The following PTCHD4 variants were observed in gnomAD, a reference collection of about 807,000 sequenced individuals.
PTCHD4 encodes the protein patched domain containing 4.
Under a neutral mutation model 58.1 loss-of-function variants are expected in PTCHD4, and 33 were observed. The ratio of observed to expected loss-of-function variants is 0.57; its 90% CI spans 0.43 to 0.76. The LOEUF (loss-of-function observed/expected upper bound fraction) is 0.76, where lower values mean the gene tolerates loss of function less well. Among genes scored for constraint, PTCHD4 ranks in the 30% least tolerant of loss-of-function variants. PTCHD4 has a pLI of 0.00. For synonymous variants in PTCHD4, 478 were observed against 409.6 expected, an observed-to-expected ratio of 1.17 and a Z score of -2.02; for missense variants, 1,058 against 1,027.1, an observed-to-expected ratio of 1.03 and a Z score of -0.41.
chr6:48,026,631 TCCCCTATGCTCCA>T (rs1036760752), intron 3 of PTCHD4, among the ~76,000 whole-genome samples: 12 of 152,006 alleles, frequency 7.9e-5, no homozygotes, highest in Admixed American at 3.9e-4. Flanking sequence ...GGGCTTTAGG[TCCCCTATGCTCCA>T]CTGGAAGCTC....
At chr6:48,019,867 A>C (rs938473784) in intron 3 of PTCHD4, among the ~76,000 whole-genome samples, 1 of 152,240 alleles carries the variant, frequency 6.6e-6, no homozygotes, top group Non-Finnish European at 1.5e-5. Context: ...ACCTTAGCTG[A>C]GTCCTGAATC....
At chr6:48,024,526 T>G (rs370140789) in intron 3 of PTCHD4, among the ~76,000 whole-genome samples, 1 of 152,148 alleles carries the variant, frequency 6.6e-6, no homozygotes, top group Non-Finnish European at 1.5e-5. Flanking sequence ...ATAGGCTTTC[T>G]CTACTCTGGA....
At chr6:48,076,744 G>A (rs914451349) in intron 1 of PTCHD4, among the ~76,000 whole-genome samples, 7 of 152,142 alleles carry the variant, frequency 4.6e-5, no homozygotes, top group Admixed American at 6.6e-5. Flanking sequence ...TCAGAATCAC[G>A]GCAGATTCAC....
At chr6:48,043,795 G>A (rs1227391982) in intron 3 of PTCHD4, among the ~76,000 whole-genome samples, 1 of 151,772 alleles carries the variant, frequency 6.6e-6, no homozygotes, top group African/African-American at 2.4e-5. Context: ...CCTCCTGGAG[G>A]GGATAAAGCT....
intron 3 of PTCHD4, among the ~76,000 whole-genome samples, chr6:48,039,044 A>G (rs1763748428): frequency 6.6e-6 from 1 of 152,190 alleles, no homozygotes; most frequent in Non-Finnish European, 1.5e-5. Context: ...TTACTCTCTT[A>G]GCTGGGGAGC....
At chr6:47,897,940 C>CTTTTTTTTTTT (rs67063892) in intron 4 of PTCHD4, among the ~76,000 whole-genome samples, 8 of 76,356 alleles carry the variant, frequency 1.0e-4, no homozygotes, top group African/African-American at 1.5e-4. Flanking sequence ...TTCTTTCTTT[C>CTTTTTTTTTTT]TTTTTTTTTT....
intron 1 of PTCHD4, among the ~76,000 whole-genome samples, chr6:48,101,260 C>T (rs1261336446): frequency 1.3e-5 from 2 of 151,982 alleles, no homozygotes; most frequent in East Asian, 1.9e-4. Context: ...AAATAGAATT[C>T]AATGTGAAGA....
chr6:47,952,808 A>G (rs760680727), intron 4 of PTCHD4, among the ~76,000 whole-genome samples: 2 of 152,090 alleles, frequency 1.3e-5, no homozygotes, highest in Non-Finnish European at 2.9e-5. Flanking sequence ...GTGTTTGCAC[A>G]GTGACAAAAT....
intron 3 of PTCHD4, among the ~76,000 whole-genome samples, chr6:48,017,041 T>C (rs56046750): frequency 0.1 from 15,538 of 152,220 alleles, 1,023 homozygotes; most frequent in Middle Eastern, 0.26. Context: ...GTTAGTTGTT[T>C]TTTATCACTG....
At chr6:47,975,891 G>T (rs1027646975) in intron 4 of PTCHD4, among the ~76,000 whole-genome samples, 1 of 152,084 alleles carries the variant, frequency 6.6e-6, no homozygotes, top group African/African-American at 2.4e-5. Flanking sequence ...TTTGAGATGG[G>T]TTCTTAAACA....
intron 4 of PTCHD4, among the ~76,000 whole-genome samples, chr6:47,921,815 G>A (rs1289618422): frequency 6.6e-6 from 1 of 151,874 alleles, no homozygotes; most frequent in Non-Finnish European, 1.5e-5. Context: ...TTTATTTTAA[G>A]TTGCTATTTT....
chr6:48,081,032 G>T (rs918758320), intron 1 of PTCHD4, among the ~76,000 whole-genome samples: 1 of 152,150 alleles, frequency 6.6e-6, no homozygotes, highest in African/African-American at 2.4e-5. Flanking sequence ...CAAAGGCAAG[G>T]TGGGCAAGTA....
At chr6:47,954,313 C>CA (rs1402584280) in intron 4 of PTCHD4, among the ~76,000 whole-genome samples, 11 of 152,266 alleles carry the variant, frequency 7.2e-5, no homozygotes, top group Non-Finnish European at 1.5e-4. Flanking sequence ...GCTGAGATTG[C>CA]ACCACTGCAC....
chr6:48,095,951 A>T (rs1020090506), intron 1 of PTCHD4, among the ~76,000 whole-genome samples: 5 of 151,482 alleles, frequency 3.3e-5, no homozygotes, highest in East Asian at 1.9e-4. Context: ...TCACACATTT[A>T]AAAAAAAAGA....
rs557362259 is a variant in PTCHD4, at chr6:48,088,429, C to T, written c.-969-18503G>A. ...AAAAAGCAATTGACCTTTTGGGCTC[C>T]GTTTAATGACTGTCAACTGATAGTG... is the stretch of plus-strand genomic sequence containing the variant. On this transcript the variant is annotated intron_variant, in intron 1 of 4. Coordinates refer to ENST00000339488, the MANE Select transcript of PTCHD4 (RefSeq NM_001384253.1). Among the ~76,000 whole-genome samples the T allele has an allele frequency of 4.1e-4, 63 of 152,126 alleles. 3 individuals carry two copies. The highest frequency in any genetic ancestry group is 1.4e-3 in the African/African-American group (59 of 41,532).
chr6:47,865,712 T>G lies in PTCHD4; in HGVS notation c.*12591A>C, dbSNP rs1763547046. 6.6e-6 allele frequency among the ~76,000 whole-genome samples: 1 copy of G among 151,806 alleles called. No individual in the cohort carries two copies. The highest frequency in any genetic ancestry group is 1.9e-4 in the East Asian group (1 of 5,146). ...CACAACAGCCTCCTAACTTAATTCTTTGGTTCAGGTCTCTCATCTCCAGTC... is the reference window on the plus strand; with the variant it reads ...CACAACAGCCTCCTAACTTAATTCTGTGGTTCAGGTCTCTCATCTCCAGTC... On this transcript the variant is annotated 3_prime_UTR_variant, in exon 5 of 5. Transcript: ENST00000339488.
At position 47,879,789 on chromosome 6, in the gene PTCHD4, C is replaced by A. The variant is rs749784673; in HGVS notation, c.1046G>T (p.Gly349Val). 1.2e-5 allele frequency: 19 copies of A among 1,613,540 alleles called. No individual in the cohort carries two copies. The highest frequency in any genetic ancestry group is 1.6e-5 in the Non-Finnish European group (19 of 1,179,734). ...MTSSLYFITF[G>V]MGASPFTNIE... ...GTTTGTGAATGGGCTGGCACCCATG[C>A]CAAAAGTGATGAAGTACAGGGAGCT... Residue 349 changes from glycine to valine, a missense_variant, in exon 5 of 5, where the codon GGC (glycine) becomes GTC (valine). Transcript: ENST00000339488.
In PTCHD4 at chr6:47,995,104, G is replaced by A. The variant is rs180819472; in HGVS notation, c.898+13530C>T. On this transcript the variant is annotated intron_variant, in intron 4 of 4. Transcript: ENST00000339488. ...TTGACCTGTTTATTGACATATATAA[G>A]TAAAATATTTATAATAAATAAAGAA... Among the ~76,000 whole-genome samples, 91 of 152,236 alleles carry A rather than the reference G, an allele frequency of 6.0e-4. 1 individual carries two copies. In the East Asian group the frequency reaches 8.9e-3, roughly 15 times the overall value.
intron 3 of PTCHD4, among the ~76,000 whole-genome samples, chr6:48,033,185 A>G (rs762730228): frequency 1.4e-4 from 21 of 152,030 alleles, no homozygotes; most frequent in Non-Finnish European, 2.8e-4. Flanking sequence ...ACTCTGCTCA[A>G]CCTCCTTCCA....
Sources: allele counts gnomAD v4.1 joint callset (sites outside exome capture counted in the v4.1 genomes callset), GRCh38; gene constraint gnomAD v4.1.1; transcripts MANE v1.5; gene names NCBI Gene and HGNC (gene_info 2026-07-23, HGNC 2026-07-21).